Variants in NR2C1 observed in about 807,000 individuals in gnomAD.
NR2C1 encodes TR2 nuclear hormone receptor.
A neutral mutation model predicts 74.8 loss-of-function variants in NR2C1; 33 were observed. That is an observed-to-expected ratio of 0.44 (90% confidence interval 0.33 to 0.59). The LOEUF is 0.59. Ranked by LOEUF, NR2C1 falls within the 20% of genes least tolerant of loss-of-function variation. The pLI, the probability that NR2C1 is intolerant of heterozygous loss-of-function variation, is 0.02. For missense variants in NR2C1, 568 were observed against 715.6 expected, an observed-to-expected ratio of 0.79 and a Z score of 2.35; for synonymous variants, 225 against 240.6, an observed-to-expected ratio of 0.94 and a Z score of 0.60.
Position 95,040,495 on chromosome 12 carries a change from G to A in NR2C1, c.1234C>T (p.Pro412Ser), listed in dbSNP as rs1871390814. ...ACTCACCCTAGAGCCTGGAAAGAAGGAATCGAAAGTGCCCAGTGCATTGAT... is the reference window on the plus strand; with the variant it reads ...ACTCACCCTAGAGCCTGGAAAGAAGAAATCGAAAGTGCCCAGTGCATTGAT... ...FLSMHWALSIPSFQALGQENS... is the reference protein window; with the variant it reads ...FLSMHWALSISSFQALGQENS... Residue 412 changes from proline to serine, a missense_variant, in exon 10 of 14, where the codon CCT (proline) becomes TCT (serine). Physicochemically the swap from Pro to Ser is moderately conservative, Grantham distance 74. This residue lies in a region of NR2C1 where 39 missense variants were observed against 64.6 expected (regional missense o/e 0.60). Coordinates refer to ENST00000333003, the MANE Select transcript of NR2C1 (RefSeq NM_003297.4). 6 of 1,613,548 alleles carry A rather than the reference G, an allele frequency of 3.7e-6. No homozygotes were observed. The highest frequency in any genetic ancestry group is 1.7e-5 in the Admixed American group (1 of 59,976).
At chr12:95,028,619 T>A in intron 11 of NR2C1, 95 bp from the exon 12 acceptor site, 1 of 938,182 alleles carries the variant, frequency 1.1e-6, no homozygotes, top group Non-Finnish European at 1.6e-6. Context: ...TTTGAAAAAT[T>A]TTTTAATTCT....
intron 13 of NR2C1, among the ~76,000 whole-genome samples, chr12:95,024,731 G>C (rs1015204806): frequency 8.6e-5 from 13 of 151,982 alleles, no homozygotes; most frequent in African/African-American, 3.1e-4. Context: ...CCACCAAGCC[G>C]GGCTAATTTT....
intron 9 of NR2C1, among the ~76,000 whole-genome samples, chr12:95,041,381 C>T (rs1047788772): frequency 6.6e-6 from 1 of 152,022 alleles, no homozygotes; most frequent in Non-Finnish European, 1.5e-5. Context: ...ACCCGGGAGG[C>T]TGAGGCAGGG....
intron 7 of NR2C1, among the ~76,000 whole-genome samples, chr12:95,053,483 A>G (rs956007347): frequency 6.6e-6 from 1 of 152,012 alleles, no homozygotes; most frequent in African/African-American, 2.4e-5. Context: ...TCTAATTATG[A>G]TACATGAGTT....
At chr12:95,060,849 C>T (rs1204805849) in intron 3 of NR2C1, among the ~76,000 whole-genome samples, 3 of 152,148 alleles carry the variant, frequency 2.0e-5, no homozygotes, top group Non-Finnish European at 4.4e-5. Flanking sequence ...AAAATGACTG[C>T]CCCTTACTAT....
At chr12:95,070,565 CTTCCA>C (rs1339042283) in intron 1 of NR2C1, among the ~76,000 whole-genome samples, 2 of 152,254 alleles carry the variant, frequency 1.3e-5, no homozygotes, top group East Asian at 1.9e-4. Flanking sequence ...ATTCAATTTT[CTTCCA>C]TTCAACAAAT....
chr12:95,056,493 C>T (rs1873895044), intron 7 of NR2C1, among the ~76,000 whole-genome samples: 1 of 152,144 alleles, frequency 6.6e-6, no homozygotes, highest in African/African-American at 2.4e-5. Flanking sequence ...GACTTGGATA[C>T]ATAAAAGGAG....
At chr12:95,060,391 C>T (rs763699079) in intron 3 of NR2C1, among the ~76,000 whole-genome samples, 5 of 152,196 alleles carry the variant, frequency 3.3e-5, no homozygotes, top group African/African-American at 7.2e-5. Context: ...CGGTGGCTCA[C>T]GCCTGTAATC....
In NR2C1 at chr12:95,021,238, A is replaced by G. The variant is rs936157808; in HGVS notation, c.*991T>C. The G allele has an allele frequency of 3.9e-4, 60 of 152,046 alleles. No homozygotes were observed. Among genetic ancestry groups the G allele is most frequent in the African/African-American group, 1.4e-3 (56 of 41,408 alleles). 9.4% of individuals were successfully genotyped at this position (152,046 alleles called of 1,614,324 possible). On this transcript the variant is annotated 3_prime_UTR_variant, in exon 14 of 14. Coordinates refer to ENST00000333003, the MANE Select transcript of NR2C1 (RefSeq NM_003297.4). Reference sequence around the variant, plus strand: ...CTTTTTACAGAGACGAGGTCTTGCTATATTGCCCAGGCTGGTCTCGAACTC... The same window carrying G: ...CTTTTTACAGAGACGAGGTCTTGCTGTATTGCCCAGGCTGGTCTCGAACTC...
At chr12:95,043,849 T>A (rs1323110385) in intron 9 of NR2C1, among the ~76,000 whole-genome samples, 1 of 152,142 alleles carries the variant, frequency 6.6e-6, no homozygotes, top group East Asian at 1.9e-4. Context: ...ATGGAAATAG[T>A]TTACAACACA....
chr12:95,038,639 T>C (rs1472447345), intron 10 of NR2C1, among the ~76,000 whole-genome samples: 1 of 152,190 alleles, frequency 6.6e-6, no homozygotes, highest in Admixed American at 6.5e-5. Context: ...ACACCTGTAG[T>C]CCCAGCTACT....
At position 95,067,361 on chromosome 12, in the gene NR2C1, T is replaced by A; in HGVS notation, c.24A>T (p.Ala8=). 6.2e-7 allele frequency: 1 copy of A among 1,613,912 alleles called. No homozygotes were observed. Among genetic ancestry groups the A allele is most frequent in the Non-Finnish European group, 8.5e-7 (1 of 1,179,804 alleles). The change falls in exon 2 of 14, where the codon GCA becomes GCT. Residue 8 remains alanine (A), a synonymous_variant. Coordinates refer to ENST00000333003, the MANE Select transcript of NR2C1 (RefSeq NM_003297.4). MATIEEI[A]HQIIEQQMGE... is the part of the protein sequence containing the mutation. ...CCATCTGTTGTTCAATAATTTGATG[T>A]GCAATTTCTTCTATGGTTGCCATGA...
At position 95,021,943 on chromosome 12, in the gene NR2C1, TAGTTTAGATAATCAAG is replaced by T. The variant is rs1158918754; in HGVS notation, c.*270_*285del. 1 of 221,970 alleles carries T rather than the reference TAGTTTAGATAATCAAG, an allele frequency of 4.5e-6. No individual in the cohort carries two copies. The highest frequency in any genetic ancestry group is 5.6e-5 in the Admixed American group (1 of 17,758). 13.8% of individuals were successfully genotyped at this position (221,970 alleles called of 1,614,324 possible). ...TGTTTTATAAAATAGAATGAGCGCT[TAGTTTAGATAATCAAG>T]AGGTGACAGCTTCAGGTATCATCTT... On this transcript the variant is annotated 3_prime_UTR_variant, in exon 14 of 14. Transcript: ENST00000333003.
chr12:95,065,023 T>C (rs963936348), intron 2 of NR2C1, among the ~76,000 whole-genome samples: 2 of 152,350 alleles, frequency 1.3e-5, no homozygotes, highest in Admixed American at 6.5e-5. Flanking sequence ...GGTTGAAACA[T>C]TCTGCTTAAA....
chr12:95,064,592 G>A (rs1404584252), intron 2 of NR2C1, among the ~76,000 whole-genome samples: 1 of 151,852 alleles, frequency 6.6e-6, no homozygotes, highest in Non-Finnish European at 1.5e-5. Context: ...AGTCAAGGAT[G>A]ATTATAAAAT....
intron 11 of NR2C1, chr12:95,030,834 C>T (rs201142167): frequency 6.2e-6 from 10 of 1,613,298 alleles, no homozygotes; most frequent in African/African-American, 2.7e-5. Context: ...AGTGATTGCT[C>T]GTCTTGTGAA....
intron 10 of NR2C1, among the ~76,000 whole-genome samples, chr12:95,033,034 T>C (rs1870348650): frequency 6.6e-6 from 1 of 150,880 alleles, no homozygotes; most frequent in East Asian, 2.0e-4. Context: ...CTCAGGAGGG[T>C]TGAGGTGGGA....
intron 5 of NR2C1, 121 bp downstream of exon 5, chr12:95,058,189 T>G: frequency 1.1e-6 from 1 of 903,226 alleles, no homozygotes; most frequent in Non-Finnish European, 1.6e-6. Flanking sequence ...ATTCTTATAT[T>G]TTTAGTTGGA....
intron 9 of NR2C1, among the ~76,000 whole-genome samples, chr12:95,048,561 T>G (rs1872588862): frequency 6.6e-6 from 1 of 152,162 alleles, no homozygotes; most frequent in African/African-American, 2.4e-5. Context: ...CCCAGCTTAT[T>G]CAGTATCTTG....
Sources: gnomAD v4.1 joint callset for allele counts (sites outside exome capture counted in the v4.1 genomes callset) on GRCh38, gnomAD v4.1.1 for gene constraint, gnomAD v4.1.1 regional missense constraint, MANE v1.5 for transcripts, NCBI Gene and HGNC (gene_info 2026-07-23, HGNC 2026-07-21) for gene names.